Variants in OBI1 observed in about 807,000 individuals in gnomAD.
OBI1 encodes the protein ORC ubiquitin ligase 1.
A neutral mutation model predicts 62.4 loss-of-function variants in OBI1; 59 were observed. The ratio of observed to expected loss-of-function variants is 0.95; its 90% CI spans 0.77 to 1.17. The LOEUF (loss-of-function observed/expected upper bound fraction) is 1.17, where lower values mean the gene tolerates loss of function less well. Ranked by LOEUF, OBI1 falls within the 50% of genes most tolerant of loss-of-function variation. The pLI is 0.00. For synonymous variants in OBI1, 302 were observed against 292.8 expected, an observed-to-expected ratio of 1.03 and a Z score of -0.32; for missense variants, 875 against 830.9, an observed-to-expected ratio of 1.05 and a Z score of -0.65.
At chr13:78,646,430 T>G (rs1468001657) in intron 1 of OBI1, among the ~76,000 whole-genome samples, 2 of 152,164 alleles carry the variant, frequency 1.3e-5, no homozygotes. Context: ...AAGGAAATAA[T>G]GATTTAATAT....
chr13:78,647,722 T>C (rs1413670577), intron 1 of OBI1, among the ~76,000 whole-genome samples: 1 of 152,228 alleles, frequency 6.6e-6, no homozygotes, highest in Non-Finnish European at 1.5e-5. Flanking sequence ...GTCTTATTTC[T>C]TTTCTCAGTC....
In OBI1 at chr13:78,615,419, A is replaced by G. The variant is rs778344899; in HGVS notation, c.*161T>C. On this transcript the variant is annotated 3_prime_UTR_variant, in exon 6 of 6. Coordinates refer to ENST00000282003, the MANE Select transcript of OBI1 (RefSeq NM_024546.4). ...GAACAAAGTCTTTTCAAAATGAACAATAAGTATTCTGGGTACAGGTTAATC... is the reference window on the plus strand; with the variant it reads ...GAACAAAGTCTTTTCAAAATGAACAGTAAGTATTCTGGGTACAGGTTAATC... The G allele has an allele frequency of 1.5e-4, 70 of 468,430 alleles. No individual in the cohort carries two copies. The highest frequency in any genetic ancestry group is 2.1e-4 in the Non-Finnish European group (57 of 269,040). The allele number at this position is 468,430 out of a possible 1,614,324, so 29.0% of individuals were successfully genotyped here.
At chr13:78,631,325 A>T (rs1875841835) in intron 5 of OBI1, among the ~76,000 whole-genome samples, 1 of 152,202 alleles carries the variant, frequency 6.6e-6, no homozygotes, top group Non-Finnish European at 1.5e-5. Flanking sequence ...CAGTTGTGAC[A>T]TTTGCTAAGG....
chr13:78,643,758 A>G (rs1159122395), intron 2 of OBI1, among the ~76,000 whole-genome samples: 1 of 152,128 alleles, frequency 6.6e-6, no homozygotes, highest in Admixed American at 6.5e-5. Flanking sequence ...ACTGCACTCC[A>G]GCCTGGGTAA....
Position 78,617,134 on chromosome 13 carries a change from G to T in OBI1, c.639-12C>A. ...CAAACCTTCCAAACCTACAAAGAAT[G>T]GAAAGATAGTTAATCTTATAACTCA... On this transcript the variant is annotated splice_polypyrimidine_tract_variant and intron_variant, in intron 5 of 5. Coordinates refer to ENST00000282003, the MANE Select transcript of OBI1 (RefSeq NM_024546.4). The T allele has an allele frequency of 6.6e-7, 1 of 1,522,330 alleles. No individual in the cohort carries two copies. Among genetic ancestry groups the T allele is most frequent in the East Asian group, 2.3e-5 (1 of 44,146 alleles). 94.3% of individuals were successfully genotyped at this position (1,522,330 alleles called of 1,614,324 possible).
chr13:78,633,228 T>C (rs1291412503), intron 5 of OBI1, among the ~76,000 whole-genome samples: 2 of 152,198 alleles, frequency 1.3e-5, no homozygotes, highest in Non-Finnish European at 2.9e-5. Flanking sequence ...TTCCTAAGCT[T>C]ATTTCACTAA....
At chr13:78,629,638 G>T (rs937655593) in intron 5 of OBI1, among the ~76,000 whole-genome samples, 1 of 152,140 alleles carries the variant, frequency 6.6e-6, no homozygotes, top group African/African-American at 2.4e-5. Flanking sequence ...GCTTGGCACA[G>T]TTTAGGAGTA....
At chr13:78,620,750 T>C in intron 5 of OBI1, 1 of 417,768 alleles carries the variant, frequency 2.4e-6, no homozygotes, top group South Asian at 1.7e-5. Context: ...CTAAAGAGCA[T>C]CTCTAACAAC....
intron 1 of OBI1, among the ~76,000 whole-genome samples, chr13:78,647,700 C>A (rs1876426233): frequency 6.6e-6 from 1 of 152,222 alleles, no homozygotes; most frequent in African/African-American, 2.4e-5. Flanking sequence ...GTTCTTTATA[C>A]TTTGTCTCTG....
intron 5 of OBI1, among the ~76,000 whole-genome samples, chr13:78,629,150 C>G (rs986795645): frequency 6.6e-6 from 1 of 151,966 alleles, no homozygotes; most frequent in South Asian, 2.1e-4. Context: ...AGCCTTTATC[C>G]TCCCCCAAAA....
At position 78,616,103 on chromosome 13, in the gene OBI1, C is replaced by T. The variant is rs750288465; in HGVS notation, c.1658G>A (p.Ser553Asn). ...TGACTTAAAACCGTTATTACAAGGG[C>T]TCTTGCTGTTGTCTGACTCTGACAT... The part of the protein sequence containing the change: ...SMMSESDNSK[S>N]PCNNGFKSLD... Residue 553 changes from serine to asparagine, a missense_variant, in exon 6 of 6, where the codon AGC (serine) becomes AAC (asparagine). Coordinates refer to ENST00000282003, the MANE Select transcript of OBI1 (RefSeq NM_024546.4). The T allele has an allele frequency of 6.8e-6, 11 of 1,614,000 alleles. No homozygotes were observed. The highest frequency in any genetic ancestry group is 9.3e-6 in the Non-Finnish European group (11 of 1,180,026).
chr13:78,627,734 C>T (rs1419876898), intron 5 of OBI1, among the ~76,000 whole-genome samples: 1 of 152,210 alleles, frequency 6.6e-6, no homozygotes, highest in Non-Finnish European at 1.5e-5. Context: ...CTGCAATAAA[C>T]ATATGCAAGC....
chr13:78,617,371 CAG>C (rs968282239), intron 5 of OBI1: 1 of 351,264 alleles, frequency 2.8e-6, no homozygotes, highest in African/African-American at 2.1e-5. Context: ...TCTATGGTAG[CAG>C]AGAGGCAGAA....
chr13:78,622,831 T>C (rs892679780), intron 5 of OBI1, among the ~76,000 whole-genome samples: 2 of 152,062 alleles, frequency 1.3e-5, no homozygotes, highest in African/African-American at 4.8e-5. Context: ...CTTGTGTACA[T>C]GTGTGCAGGG....
At chr13:78,650,406 C>T (rs1762743391) in intron 1 of OBI1, among the ~76,000 whole-genome samples, 1 of 152,184 alleles carries the variant, frequency 6.6e-6, no homozygotes, top group Non-Finnish European at 1.5e-5. Flanking sequence ...ACTGCCTTCT[C>T]TAATGTTTTG....
chr13:78,643,132 T>C (rs1437004835), intron 2 of OBI1, among the ~76,000 whole-genome samples: 1 of 152,196 alleles, frequency 6.6e-6, no homozygotes, highest in African/African-American at 2.4e-5. Context: ...TTTTTCAGGA[T>C]GTTCTATCCA....
chr13:78,635,535 A>T (rs1018238820), intron 4 of OBI1, among the ~76,000 whole-genome samples: 1 of 152,240 alleles, frequency 6.6e-6, no homozygotes. Context: ...TATTCTAGGC[A>T]AGGTAACATT....
intron 5 of OBI1, chr13:78,617,440 A>C: frequency 4.4e-6 from 1 of 228,486 alleles, no homozygotes; most frequent in East Asian, 9.3e-5. Context: ...TCATATATGC[A>C]TGAAGAGTTA....
At chr13:78,648,854 G>A (rs968265990) in intron 1 of OBI1, among the ~76,000 whole-genome samples, 4 of 151,566 alleles carry the variant, frequency 2.6e-5, no homozygotes, top group South Asian at 2.1e-4. Context: ...CAGAGGTTGC[G>A]GCGAGCTGAG....
Sources: gnomAD v4.1 joint callset for allele counts (sites outside exome capture counted in the v4.1 genomes callset) on GRCh38, gnomAD v4.1.1 for gene constraint, MANE v1.5 for transcripts, NCBI Gene and HGNC (gene_info 2026-07-23, HGNC 2026-07-21) for gene names.